Variants in NYAP2 observed in about 807,000 individuals in gnomAD.
NYAP2 encodes the protein neuronal tyrosine-phosphorylated phosphoinositide-3-kinase adapter 2.
NYAP2 carries 23 observed loss-of-function variants against 50.4 expected under a neutral mutation model. That is an observed-to-expected ratio of 0.46 (90% CI 0.33 to 0.65). The LOEUF is 0.65. Among genes scored for constraint, NYAP2 ranks in the 30% least tolerant of loss-of-function variants. NYAP2 has a pLI of 0.02. For missense variants in NYAP2, 885 were observed against 861.0 expected, an observed-to-expected ratio of 1.03 and a Z score of -0.35; for synonymous variants, 394 against 365.2, an observed-to-expected ratio of 1.08 and a Z score of -0.90.
intron 3 of NYAP2, among the ~76,000 whole-genome samples, chr2:225,468,566 T>C (rs774286835): frequency 1.2e-4 from 18 of 152,294 alleles, no homozygotes; most frequent in African/African-American, 2.2e-4. Flanking sequence ...CTAGGAAGAA[T>C]TGGCATTCAG....
intron 3 of NYAP2, among the ~76,000 whole-genome samples, chr2:225,457,323 A>G (rs931900141): frequency 4.6e-5 from 7 of 152,218 alleles, no homozygotes; most frequent in Non-Finnish European, 8.8e-5. Context: ...TCTAGAAGGT[A>G]TGCTAATATT....
At chr2:225,433,521 A>T (rs1689306796) in intron 3 of NYAP2, among the ~76,000 whole-genome samples, 3 of 152,150 alleles carry the variant, frequency 2.0e-5, no homozygotes, top group Admixed American at 1.3e-4. Flanking sequence ...TTAAAAAAAA[A>T]TTTAAAATAT....
At chr2:225,551,410 T>C (rs1691672343) in intron 4 of NYAP2, among the ~76,000 whole-genome samples, 1 of 152,116 alleles carries the variant, frequency 6.6e-6, no homozygotes, top group Non-Finnish European at 1.5e-5. Flanking sequence ...ATGCTAGAGG[T>C]TGGAAGACCT....
chr2:225,518,141 T>A (rs1028789241), intron 4 of NYAP2, among the ~76,000 whole-genome samples: 2 of 151,378 alleles, frequency 1.3e-5, no homozygotes, highest in African/African-American at 4.9e-5. Context: ...CACACACACA[T>A]ACACACACAT....
chr2:225,630,575 CA>C (rs376349481), intron 6 of NYAP2, among the ~76,000 whole-genome samples: 76 of 152,226 alleles, frequency 5.0e-4, no homozygotes, highest in African/African-American at 1.8e-3. Flanking sequence ...TCCCCTAAAG[CA>C]AGGGTCCTTT....
At chr2:225,569,159 C>T (rs1332157192) in intron 4 of NYAP2, among the ~76,000 whole-genome samples, 2 of 152,010 alleles carry the variant, frequency 1.3e-5, no homozygotes, top group African/African-American at 4.8e-5. Context: ...TCTGTTGGGC[C>T]CACAGAGCAG....
intron 3 of NYAP2, among the ~76,000 whole-genome samples, chr2:225,512,885 C>A (rs1027071641): frequency 2.0e-4 from 27 of 132,758 alleles, no homozygotes; most frequent in African/African-American, 5.8e-4. Context: ...TCCTTCCTTC[C>A]TTCCTTCCTT....
chr2:225,446,246 CTATATATATATATATATA>C (rs58633886), intron 3 of NYAP2, among the ~76,000 whole-genome samples: 70 of 82,274 alleles, frequency 8.5e-4, no homozygotes, highest in African/African-American at 2.4e-3. Flanking sequence ...CTCTCTCTCT[CTATATATATATATATATA>C]TATATATATA....
intron 5 of NYAP2, among the ~76,000 whole-genome samples, chr2:225,608,947 T>C (rs905448117): frequency 7.2e-5 from 11 of 152,114 alleles, no homozygotes; most frequent in Non-Finnish European, 1.6e-4. Flanking sequence ...TTGTGTCTTC[T>C]CTTTTCATTC....
At chr2:225,637,745 G>C (rs1358133113) in intron 6 of NYAP2, among the ~76,000 whole-genome samples, 1 of 152,144 alleles carries the variant, frequency 6.6e-6, no homozygotes, top group African/African-American at 2.4e-5. Context: ...ATCAGAGAAA[G>C]TTTTATTTGG....
chr2:225,557,493 T>C (rs989210911), intron 4 of NYAP2, among the ~76,000 whole-genome samples: 2 of 152,156 alleles, frequency 1.3e-5, no homozygotes, highest in Admixed American at 1.3e-4. Context: ...TATGTTTTAG[T>C]GGAGAAAATA....
At chr2:225,466,841 T>G (rs1463916774) in intron 3 of NYAP2, among the ~76,000 whole-genome samples, 1 of 152,130 alleles carries the variant, frequency 6.6e-6, no homozygotes, top group African/African-American at 2.4e-5. Flanking sequence ...TCTTGCCTCC[T>G]CAGAAGAAAG....
chr2:225,481,196 A>G (rs1240336741), intron 3 of NYAP2, among the ~76,000 whole-genome samples: 2 of 152,098 alleles, frequency 1.3e-5, no homozygotes, highest in Non-Finnish European at 2.9e-5. Context: ...CCTGTATATA[A>G]TTCATCATCT....
chr2:225,471,581 C>G (rs1690012747), intron 3 of NYAP2, among the ~76,000 whole-genome samples: 3 of 152,170 alleles, frequency 2.0e-5, no homozygotes, highest in African/African-American at 7.2e-5. Context: ...GGCAGCTACC[C>G]TATCCAAACA....
the NYAP2 span, among the ~76,000 whole-genome samples, chr2:225,694,973 C>T: frequency 6.6e-6 from 1 of 151,700 alleles, no homozygotes; most frequent in Non-Finnish European, 1.5e-5. Context: ...CTTTTTCTAG[C>T]AATTCAGACC....
intron 4 of NYAP2, among the ~76,000 whole-genome samples, chr2:225,563,506 C>T (rs2106217150): frequency 6.6e-6 from 1 of 152,086 alleles, no homozygotes; most frequent in South Asian, 2.1e-4. Context: ...GAAGCCAGGT[C>T]ATAGAAGGCT....
At chr2:225,528,520 G>A (rs1356692979) in intron 4 of NYAP2, among the ~76,000 whole-genome samples, 3 of 152,110 alleles carry the variant, frequency 2.0e-5, no homozygotes, top group African/African-American at 7.2e-5. Flanking sequence ...AGAACTTCTA[G>A]AACATAAAGA....
intron 4 of NYAP2, among the ~76,000 whole-genome samples, chr2:225,578,741 T>C (rs1462398161): frequency 6.6e-6 from 1 of 152,120 alleles, no homozygotes; most frequent in Admixed American, 6.5e-5. Context: ...AATAACAAAG[T>C]TAGTTAATGT....
chr2:225,602,914 A>G (rs138291755), intron 5 of NYAP2, among the ~76,000 whole-genome samples: 3 of 151,830 alleles, frequency 2.0e-5, no homozygotes, highest in African/African-American at 7.3e-5. Flanking sequence ...CTTTTTCAAG[A>G]TTGTTTTAGC....
Sources: allele counts gnomAD v4.1 joint callset (sites outside exome capture counted in the v4.1 genomes callset), GRCh38; gene constraint gnomAD v4.1.1; transcripts MANE v1.5; gene names NCBI Gene and HGNC (gene_info 2026-07-23, HGNC 2026-07-21).